KHDRBS2: variants seen among roughly 807,000 people sequenced by gnomAD.
KHDRBS2 encodes KH RNA binding domain containing, signal transduction associated 2.
Under a neutral mutation model 44.3 loss-of-function variants are expected in KHDRBS2, and 26 were observed. The ratio of observed to expected loss-of-function variants is 0.59; its 90% CI spans 0.43 to 0.81. KHDRBS2 has a LOEUF of 0.81. Among genes scored for constraint, KHDRBS2 ranks in the 40% least tolerant of loss-of-function variants. The pLI is 0.00. For synonymous variants in KHDRBS2, 194 were observed against 151.1 expected, an observed-to-expected ratio of 1.28 and a Z score of -2.08; for missense variants, 476 against 433.1, an observed-to-expected ratio of 1.10 and a Z score of -0.88.
chr6:62,043,287 G>T (rs895818821), intron 3 of KHDRBS2, among the ~76,000 whole-genome samples: 1 of 152,066 alleles, frequency 6.6e-6, no homozygotes, highest in African/African-American at 2.4e-5. Context: ...CCTGAACATT[G>T]CTCAGAAGCA....
At chr6:62,190,783 AAAACCAG>A (rs1824439653) in intron 1 of KHDRBS2, among the ~76,000 whole-genome samples, 1 of 152,098 alleles carries the variant, frequency 6.6e-6, no homozygotes, top group African/African-American at 2.4e-5. Context: ...CAAGAACAAC[AAAACCAG>A]AAATCTCAGC....
Position 61,894,676 on chromosome 6 carries a change from T to G in KHDRBS2, c.769A>C (p.Arg257=). ...ARGAPTVPGY[R]APPPPAHEAY... is the part of the protein sequence containing the mutation. Reference sequence around the variant, plus strand: ...TCATGGGCTGGAGGAGGAGGTGCCCTGTATCCTGGCACTGTTGGTGCCCCC... The same window carrying G: ...TCATGGGCTGGAGGAGGAGGTGCCCGGTATCCTGGCACTGTTGGTGCCCCC... Residue 257 remains arginine (R), a synonymous_variant, in exon 6 of 9, where the codon AGG becomes CGG. Coordinates refer to ENST00000281156, the MANE Select transcript of KHDRBS2 (RefSeq NM_152688.4). 2.5e-6 allele frequency: 4 copies of G among 1,613,290 alleles called. No homozygotes were observed. The highest frequency in any genetic ancestry group is 3.4e-6 in the Non-Finnish European group (4 of 1,179,734).
chr6:61,710,461 C>A (rs558312946), intron 7 of KHDRBS2, among the ~76,000 whole-genome samples: 10 of 151,660 alleles, frequency 6.6e-5, no homozygotes, highest in Non-Finnish European at 1.0e-4. Context: ...TAGCATTGAG[C>A]ACAAGTCCAT....
chr6:61,979,592 C>T (rs1352047429), intron 3 of KHDRBS2, among the ~76,000 whole-genome samples: 3 of 152,126 alleles, frequency 2.0e-5, no homozygotes, highest in African/African-American at 7.2e-5. Flanking sequence ...ATACCCTTCA[C>T]CTACTCAAAT....
At chr6:61,649,189 T>C in the KHDRBS2 span, among the ~76,000 whole-genome samples, 1 of 151,982 alleles carries the variant, frequency 6.6e-6, no homozygotes, top group Non-Finnish European at 1.5e-5. Context: ...GTTAAGGCAA[T>C]GTTGCTCAGT....
chr6:61,650,599 A>G, the KHDRBS2 span, among the ~76,000 whole-genome samples: 5 of 95,848 alleles, frequency 5.2e-5, no homozygotes, highest in Non-Finnish European at 1.2e-4. Flanking sequence ...TACATGAAAA[A>G]CTTAATGCCT....
chr6:61,841,290 C>T (rs1235850802), intron 6 of KHDRBS2, among the ~76,000 whole-genome samples: 2 of 152,222 alleles, frequency 1.3e-5, no homozygotes, highest in East Asian at 3.9e-4. Flanking sequence ...GACTCCATGT[C>T]TTTAAATTTA....
chr6:61,881,851 T>A (rs539260617), intron 6 of KHDRBS2, among the ~76,000 whole-genome samples: 74 of 152,142 alleles, frequency 4.9e-4, no homozygotes, highest in African/African-American at 1.7e-3. Context: ...CAGCAAAATA[T>A]ATTGGCTGGG....
At chr6:62,150,517 C>A (rs535762135) in intron 2 of KHDRBS2, among the ~76,000 whole-genome samples, 1 of 152,180 alleles carries the variant, frequency 6.6e-6, no homozygotes. Flanking sequence ...TAGAGTTGTA[C>A]AATATTTGAA....
intron 1 of KHDRBS2, among the ~76,000 whole-genome samples, chr6:62,194,828 T>C (rs1825352037): frequency 6.6e-6 from 1 of 152,008 alleles, no homozygotes; most frequent in African/African-American, 2.4e-5. Context: ...TATTATTGTA[T>C]TTTTGTAGTA....
At chr6:61,722,731 A>C (rs1354028425) in intron 7 of KHDRBS2, among the ~76,000 whole-genome samples, 1 of 148,104 alleles carries the variant, frequency 6.8e-6, no homozygotes, top group Non-Finnish European at 1.5e-5. Flanking sequence ...TTTTTTTTAG[A>C]TGGAGTCTCG....
At chr6:61,639,983 G>C in the KHDRBS2 span, among the ~76,000 whole-genome samples, 1 of 152,006 alleles carries the variant, frequency 6.6e-6, no homozygotes, top group Non-Finnish European at 1.5e-5. Flanking sequence ...ACCTTGTTTG[G>C]ATTTTGATTT....
chr6:61,861,286 G>T (rs1796927372), intron 6 of KHDRBS2, among the ~76,000 whole-genome samples: 1 of 151,920 alleles, frequency 6.6e-6, no homozygotes, highest in Non-Finnish European at 1.5e-5. Flanking sequence ...TGAAATCTTT[G>T]CCTGTGCCTG....
chr6:62,211,546 C>T (rs1829044478), intron 1 of KHDRBS2, among the ~76,000 whole-genome samples: 1 of 152,046 alleles, frequency 6.6e-6, no homozygotes, highest in African/African-American at 2.4e-5. Flanking sequence ...GACAGAGATA[C>T]TAAACTCTAG....
At chr6:62,173,000 T>G (rs567732545) in intron 2 of KHDRBS2, among the ~76,000 whole-genome samples, 1 of 151,796 alleles carries the variant, frequency 6.6e-6, no homozygotes, top group Non-Finnish European at 1.5e-5. Context: ...GATCTCAAAT[T>G]AGCAACCTAA....
intron 6 of KHDRBS2, among the ~76,000 whole-genome samples, chr6:61,742,284 A>G (rs1202059539): frequency 6.6e-6 from 1 of 152,024 alleles, no homozygotes; most frequent in Non-Finnish European, 1.5e-5. Flanking sequence ...CATAAGATGC[A>G]TAGAATGTCT....
chr6:62,279,593 T>C (rs1056494608), intron 1 of KHDRBS2, among the ~76,000 whole-genome samples: 1 of 151,976 alleles, frequency 6.6e-6, no homozygotes. Context: ...GTAGTAGTGG[T>C]GGATAGGTTG....
At chr6:61,589,480 TG>T in the KHDRBS2 span, among the ~76,000 whole-genome samples, 1 of 152,228 alleles carries the variant, frequency 6.6e-6, no homozygotes, top group Non-Finnish European at 1.5e-5. Flanking sequence ...TTTTATTGTT[TG>T]AGTAACTTTT....
intron 6 of KHDRBS2, among the ~76,000 whole-genome samples, chr6:61,780,915 C>T (rs1782833589): frequency 6.6e-6 from 1 of 152,120 alleles, no homozygotes; most frequent in Admixed American, 6.6e-5. Flanking sequence ...CATCTTTATG[C>T]ATATGAGGCA....
Sources: gnomAD v4.1 joint callset for allele counts (sites outside exome capture counted in the v4.1 genomes callset) on GRCh38, gnomAD v4.1.1 for gene constraint, MANE v1.5 for transcripts, NCBI Gene and HGNC (gene_info 2026-07-23, HGNC 2026-07-21) for gene names.